RIPOR3: variants seen among roughly 807,000 people sequenced by gnomAD.
The protein encoded by RIPOR3 is family with sequence similarity 65 member C.
Under a neutral mutation model 114.3 loss-of-function variants are expected in RIPOR3, and 95 were observed. The observed-to-expected ratio is 0.83, with a 90% CI of 0.70 to 0.99. The LOEUF (loss-of-function observed/expected upper bound fraction) is 0.99. RIPOR3 is among the 50% of genes least tolerant of loss of function. The pLI, the probability that RIPOR3 is intolerant of heterozygous loss-of-function variation, is 0.00. For synonymous variants in RIPOR3, 575 were observed against 543.8 expected, an observed-to-expected ratio of 1.06 and a Z score of -0.80; for missense variants, 1,252 against 1,266.9, an observed-to-expected ratio of 0.99 and a Z score of 0.18.
At chr20:50,607,491 A>G (rs1379372160) in intron 11 of RIPOR3, among the ~76,000 whole-genome samples, 1 of 152,126 alleles carries the variant, frequency 6.6e-6, no homozygotes, top group Non-Finnish European at 1.5e-5. Context: ...GCCTGGCCTG[A>G]CCAGAAGGCC....
chr20:50,631,419 C>T (rs2084819021), intron 1 of RIPOR3, among the ~76,000 whole-genome samples: 3 of 152,288 alleles, frequency 2.0e-5, no homozygotes, highest in Admixed American at 2.0e-4. Context: ...GGAAGGGTGT[C>T]TAAGGCCGAG....
intron 6 of RIPOR3, 129 bp from the exon 7 acceptor site, chr20:50,609,851 C>G: frequency 9.5e-7 from 1 of 1,054,710 alleles, no homozygotes; most frequent in Non-Finnish European, 1.3e-6. Context: ...CCCATGGTGA[C>G]AGTCACTACC....
In RIPOR3 at chr20:50,605,656, T is replaced by A. The variant is rs1265294747; in HGVS notation, c.957-882A>T. On this transcript the variant is annotated intron_variant, in intron 11 of 21. Coordinates refer to ENST00000327979, the MANE Select transcript of RIPOR3 (RefSeq NM_001290268.2). ...TAATGTGGTGACCAACAGACACTTG[T>A]AGTCCCAGCTACTCAGGAGGCAGAG... Among the ~76,000 whole-genome samples the A allele has an allele frequency of 2.0e-5, 3 of 151,926 alleles. No homozygotes were observed. The East Asian group carries it at 5.8e-4, about 29-fold the overall frequency.
chr20:50,688,030 G>A (rs993915360), intron 1 of RIPOR3, among the ~76,000 whole-genome samples: 1 of 148,868 alleles, frequency 6.7e-6, no homozygotes, highest in East Asian at 2.0e-4. Flanking sequence ...TAGCAGTTTT[G>A]TTGATTTTTG....
At chr20:50,677,355 T>C (rs1207041942) in intron 1 of RIPOR3, among the ~76,000 whole-genome samples, 2 of 147,270 alleles carry the variant, frequency 1.4e-5, no homozygotes, top group Non-Finnish European at 3.0e-5. Context: ...TTATTATTAT[T>C]TTCTTGTTTT....
At position 50,605,400 on chromosome 20, in the gene RIPOR3, T is replaced by A. The variant is rs184895482; in HGVS notation, c.957-626A>T. 3.9e-4 allele frequency among the ~76,000 whole-genome samples: 60 copies of A among 152,058 alleles called. 1 individual carries two copies. In the East Asian group the frequency reaches 0.01, roughly 25 times the overall value. On this transcript the variant is annotated intron_variant, in intron 11 of 21. Coordinates refer to ENST00000327979, the MANE Select transcript of RIPOR3 (RefSeq NM_001290268.2). ...GACGGAACTGAATTCACACACAGAT[T>A]TTCTCTGACCCCAAAGCCTTAAAGA...
chr20:50,623,856 G>A (rs931221687), intron 2 of RIPOR3, among the ~76,000 whole-genome samples: 1 of 152,058 alleles, frequency 6.6e-6, no homozygotes, highest in Non-Finnish European at 1.5e-5. Flanking sequence ...TTATTATTTT[G>A]AGATGAAATT....
chr20:50,656,952 T>C (rs1211986558), intron 1 of RIPOR3, among the ~76,000 whole-genome samples: 3 of 152,242 alleles, frequency 2.0e-5, no homozygotes, highest in Admixed American at 2.0e-4. Flanking sequence ...AATCTTGGTC[T>C]ATGTTTGAGG....
At chr20:50,624,758 C>G (rs1354451384) in intron 2 of RIPOR3, among the ~76,000 whole-genome samples, 1 of 152,246 alleles carries the variant, frequency 6.6e-6, no homozygotes, top group Non-Finnish European at 1.5e-5. Flanking sequence ...GTGCAACCTG[C>G]CGGCCCCAGC....
intron 1 of RIPOR3, among the ~76,000 whole-genome samples, chr20:50,643,164 C>A (rs2123340884): frequency 6.6e-6 from 1 of 151,670 alleles, no homozygotes; most frequent in African/African-American, 2.4e-5. Flanking sequence ...GCTCTGTCGC[C>A]CAGGCGGAAG....
intron 13 of RIPOR3, among the ~76,000 whole-genome samples, chr20:50,601,234 G>A (rs541977223): frequency 1.1e-3 from 162 of 152,310 alleles, no homozygotes; most frequent in Non-Finnish European, 2.1e-3. Flanking sequence ...AGGAGTTTGA[G>A]ACCAGCCTGG....
chr20:50,632,520 G>T (rs2084852137), intron 1 of RIPOR3, among the ~76,000 whole-genome samples: 1 of 152,218 alleles, frequency 6.6e-6, no homozygotes, highest in African/African-American at 2.4e-5. Context: ...GGAGGAAGGT[G>T]GCAAGCATTT....
rs535471794 is a variant in RIPOR3 at position 50,602,477 on chromosome 20, C to A, written c.1254G>T (p.Thr418=). The part of the protein sequence containing the change: ...DSFSSEDPRD[T]ETSTSASTSD... ...AGGTGGACGCCGACGTGCTGGTCTC[C>A]GTGTCTCGGGGGTCCTCAGAGCTGA... Residue 418 remains threonine (T), a synonymous_variant, in exon 13 of 22, where the codon ACG becomes ACT. Transcript: ENST00000327979. This position sits in a 1 kb window ranked among gnomAD's most constrained non-coding sequence, Gnocchi z 4.3. 2 of 1,555,320 alleles carry A rather than the reference C, an allele frequency of 1.3e-6. No individual in the cohort carries two copies. Among genetic ancestry groups the A allele is most frequent in the East Asian group, 2.3e-5 (1 of 43,708 alleles).
At position 50,608,672 on chromosome 20, in the gene RIPOR3, T is replaced by G; in HGVS notation, c.751A>C (p.Thr251Pro). 6.2e-7 allele frequency: 1 copy of G among 1,614,020 alleles called. No homozygotes were observed. The highest frequency in any genetic ancestry group is 1.7e-4 in the Middle Eastern group (1 of 6,060). The change falls in exon 10 of 22, where the codon ACC becomes CCC. Residue 251 changes from threonine to proline, a missense_variant. Thr to Pro is a conservative substitution (Grantham distance 38). Transcript: ENST00000327979. Reference sequence around the variant, plus strand: ...AAGGCCTTCTCCTCTTCGTCCCAGGTCTGGCTGTCATCTGACTCGATCCGA... The same window carrying G: ...AAGGCCTTCTCCTCTTCGTCCCAGGGCTGGCTGTCATCTGACTCGATCCGA... Reference protein sequence around the residue: ...KGRIESDDSQTWDEEEKAFIP... With the variant: ...KGRIESDDSQPWDEEEKAFIP...
chr20:50,592,391 T>C lies in RIPOR3; in HGVS notation c.2530A>G (p.Ser844Gly), dbSNP rs1269859797. The change falls in exon 19 of 22, where the codon AGC (serine) becomes GGC (glycine). Residue 844 changes from serine (S) to glycine (G), a missense_variant. Physicochemically the swap from Ser to Gly is moderately conservative, Grantham distance 56 (BLOSUM62 0). Transcript: ENST00000327979. ...CTGACTGCACCAGCCAGGCGAGCGC[T>C]GGCCGCCCTGCACACCCTCGGAGTG... ...DGTPRVCRAA[S>G]ARLAGAVRNR... is the part of the protein sequence containing the mutation. 1 of 1,607,052 alleles carries C rather than the reference T, an allele frequency of 6.2e-7. No homozygotes were observed. Among genetic ancestry groups the C allele is most frequent in the African/African-American group, 1.3e-5 (1 of 74,910 alleles).
At chr20:50,606,120 C>T (rs2083705179) in intron 11 of RIPOR3, among the ~76,000 whole-genome samples, 2 of 152,202 alleles carry the variant, frequency 1.3e-5, no homozygotes, top group African/African-American at 2.4e-5. Flanking sequence ...GCTGGGGAAT[C>T]GCTTAAATCT....
intron 3 of RIPOR3, among the ~76,000 whole-genome samples, chr20:50,616,702 C>A (rs1399744835): frequency 1.3e-5 from 2 of 152,140 alleles, no homozygotes; most frequent in Non-Finnish European, 2.9e-5. Flanking sequence ...GTACCCCAGC[C>A]CCGGTCACAC....
At chr20:50,633,361 A>T (rs1028032783) in intron 1 of RIPOR3, among the ~76,000 whole-genome samples, 2 of 152,262 alleles carry the variant, frequency 1.3e-5, no homozygotes, top group African/African-American at 4.8e-5. Flanking sequence ...AATCAGCCAC[A>T]GTAAACGTAT....
At chr20:50,662,149 G>T (rs1019215761) in intron 1 of RIPOR3, 1 of 152,420 alleles carries the variant, frequency 6.6e-6, no homozygotes, top group Admixed American at 6.5e-5. Context: ...GGGAGGCGTG[G>T]GTGTGACCCA....
Sources: gnomAD v4.1 joint callset for allele counts (sites outside exome capture counted in the v4.1 genomes callset) on GRCh38, gnomAD v4.1.1 for gene constraint, Gnocchi (gnomAD v3.1) non-coding constraint, MANE v1.5 for transcripts, NCBI Gene and HGNC (gene_info 2026-07-23, HGNC 2026-07-21) for gene names.